The following PPP2R3A variants were observed in gnomAD, a reference collection of about 807,000 sequenced individuals.
The protein encoded by PPP2R3A is serine/threonine-protein phosphatase 2A regulatory subunit B'' subunit alpha.
PPP2R3A carries 80 observed loss-of-function variants against 106.9 expected under a neutral mutation model. The ratio of observed to expected loss-of-function variants is 0.75; its 90% confidence interval spans 0.62 to 0.90. PPP2R3A has a LOEUF of 0.90. PPP2R3A is among the 40% of genes least tolerant of loss of function. PPP2R3A has a pLI of 0.00. For missense variants in PPP2R3A, 1,386 were observed against 1,350.4 expected (o/e 1.03, Z -0.41); for synonymous variants, 483 against 468.3 (o/e 1.03, Z -0.41).
chr3:136,033,170 T>A (rs980052760), intron 3 of PPP2R3A, among the ~76,000 whole-genome samples: 2 of 152,234 alleles, frequency 1.3e-5, no homozygotes, highest in Non-Finnish European at 2.9e-5. Flanking sequence ...TTTTGTGGTG[T>A]ATCACATCTA....
intron 6 of PPP2R3A, among the ~76,000 whole-genome samples, chr3:136,076,888 A>G (rs1936614801): frequency 6.6e-6 from 1 of 151,540 alleles, no homozygotes; most frequent in Non-Finnish European, 1.5e-5. Context: ...TGGAGCTTGC[A>G]GTGAGCCGAG....
At chr3:136,081,297 T>C (rs1011196112) in intron 7 of PPP2R3A, among the ~76,000 whole-genome samples, 2 of 152,206 alleles carry the variant, frequency 1.3e-5, no homozygotes, top group African/African-American at 2.4e-5. Context: ...AGCCCGCTTA[T>C]GTTTTTCACC....
chr3:136,128,821 T>G (rs1938288387), intron 13 of PPP2R3A, among the ~76,000 whole-genome samples: 1 of 152,146 alleles, frequency 6.6e-6, no homozygotes, highest in South Asian at 2.1e-4. Context: ...AAACTGTCTC[T>G]CAGACCACAG....
At chr3:136,029,624 C>T (rs1054669045) in intron 3 of PPP2R3A, among the ~76,000 whole-genome samples, 5 of 152,178 alleles carry the variant, frequency 3.3e-5, no homozygotes, top group African/African-American at 7.2e-5. Flanking sequence ...AGTGTTGAAA[C>T]TGACAGATAA....
At chr3:135,988,453 C>T (rs1364261007) in intron 1 of PPP2R3A, among the ~76,000 whole-genome samples, 1 of 152,058 alleles carries the variant, frequency 6.6e-6, no homozygotes, top group East Asian at 1.9e-4. Context: ...TCTGGTCTCT[C>T]TCTTCTACTC....
rs550122173 is a variant in PPP2R3A, at chr3:136,046,445, A to G, written c.2367-2814A>G. ...CTCCAGCCTAGGCAACAAGAGTGAA[A>G]CTCCATCTCAAAAAAAAAAAAAAGA... On this transcript the variant is annotated intron_variant, in intron 4 of 13. Coordinates refer to ENST00000264977, the MANE Select transcript of PPP2R3A (RefSeq NM_002718.5). 7.8e-4 allele frequency among the ~76,000 whole-genome samples: 117 copies of G among 149,832 alleles called. 1 individual carries two copies. The highest frequency in any genetic ancestry group is 1.4e-3 in the Non-Finnish European group (96 of 67,506).
At chr3:136,070,597 C>T in intron 6 of PPP2R3A, 45 bp downstream of exon 6, 2 of 1,471,210 alleles carry the variant, frequency 1.4e-6, no homozygotes, top group Non-Finnish European at 1.9e-6. Flanking sequence ...CATAAGTCAC[C>T]TTTTTATTAC....
intron 3 of PPP2R3A, among the ~76,000 whole-genome samples, chr3:136,030,825 T>TGTATAC (rs1422329305): frequency 3.0e-4 from 43 of 142,400 alleles, no homozygotes; most frequent in South Asian, 8.8e-4. Flanking sequence ...TATGTATGTA[T>TGTATAC]ACACACACAC....
At chr3:136,095,215 G>C (rs1433371952) in intron 10 of PPP2R3A, among the ~76,000 whole-genome samples, 3 of 152,118 alleles carry the variant, frequency 2.0e-5, no homozygotes, top group African/African-American at 4.8e-5. Flanking sequence ...ATTAGCAGAA[G>C]TGGAGCTCTT....
intron 5 of PPP2R3A, among the ~76,000 whole-genome samples, chr3:136,059,791 A>G (rs4678288): frequency 0.37 from 55,756 of 152,158 alleles, 11,815 homozygotes; most frequent in African/African-American, 0.59. Context: ...ATGGAATACT[A>G]TGCAGCCATA....
chr3:135,975,908 G>C (rs899125077), intron 1 of PPP2R3A, among the ~76,000 whole-genome samples: 1 of 152,104 alleles, frequency 6.6e-6, no homozygotes, highest in Non-Finnish European at 1.5e-5. Context: ...TTAACATACT[G>C]TTAGGCTAAA....
At chr3:136,097,377 A>G (rs1937241410) in intron 10 of PPP2R3A, among the ~76,000 whole-genome samples, 1 of 152,158 alleles carries the variant, frequency 6.6e-6, no homozygotes, top group Non-Finnish European at 1.5e-5. Context: ...TCGTTCATTG[A>G]TCCTTATAGT....
intron 2 of PPP2R3A, among the ~76,000 whole-genome samples, chr3:136,020,997 A>T (rs1934447730): frequency 6.6e-6 from 1 of 152,106 alleles, no homozygotes; most frequent in Non-Finnish European, 1.5e-5. Flanking sequence ...AAAGATGATT[A>T]GAATGTATAA....
Position 136,002,696 on chromosome 3 carries a change from A to G in PPP2R3A, c.1198A>G (p.Met400Val), listed in dbSNP as rs2107790191. Residue 400 changes from methionine (M) to valine (V), a missense_variant, in exon 2 of 14, where the codon ATG becomes GTG. Transcript: ENST00000264977. ...AVQVQSQSLT[M>V]NPLENVSSDD... is the part of the protein sequence containing the mutation. ...CCAGGTCCAATCACAGTCATTAACCATGAATCCTTTAGAAAATGTTTCTTC... is the reference window on the plus strand; with the variant it reads ...CCAGGTCCAATCACAGTCATTAACCGTGAATCCTTTAGAAAATGTTTCTTC... 6.2e-7 allele frequency: 1 copy of G among 1,613,414 alleles called. No individual in the cohort carries two copies. Among genetic ancestry groups the G allele is most frequent in the African/African-American group, 1.3e-5 (1 of 75,020 alleles).
At chr3:136,059,879 A>G (rs1362896929) in intron 5 of PPP2R3A, among the ~76,000 whole-genome samples, 2 of 152,232 alleles carry the variant, frequency 1.3e-5, no homozygotes. Flanking sequence ...TAACACAAAA[A>G]CAGAAAACCA....
chr3:136,086,796 C>T (rs1040573752), intron 8 of PPP2R3A, among the ~76,000 whole-genome samples: 1 of 152,124 alleles, frequency 6.6e-6, no homozygotes, highest in African/African-American at 2.4e-5. Context: ...TACCTTTATG[C>T]TAACTGTACC....
intron 13 of PPP2R3A, among the ~76,000 whole-genome samples, chr3:136,128,473 C>T (rs1354889084): frequency 4.6e-5 from 7 of 151,690 alleles, no homozygotes; most frequent in Admixed American, 1.3e-4. Flanking sequence ...AGCTAACTAT[C>T]CTAAATATAT....
chr3:136,097,565 T>G (rs1937245843), intron 10 of PPP2R3A, among the ~76,000 whole-genome samples: 1 of 152,248 alleles, frequency 6.6e-6, no homozygotes, highest in South Asian at 2.1e-4. Context: ...TTATTTATTG[T>G]AAAGAGAAGA....
chr3:136,101,414 G>A (rs915185395), intron 10 of PPP2R3A, among the ~76,000 whole-genome samples: 3 of 152,002 alleles, frequency 2.0e-5, no homozygotes, highest in Admixed American at 6.6e-5. Context: ...TTGTTTGGTT[G>A]GTTGGTTGTT....
Sources: allele counts gnomAD v4.1 joint callset (sites outside exome capture counted in the v4.1 genomes callset), GRCh38; gene constraint gnomAD v4.1.1; transcripts MANE v1.5; gene names NCBI Gene and HGNC (gene_info 2026-07-23, HGNC 2026-07-21).